Variants in TBCE observed in about 807,000 individuals in gnomAD.
TBCE encodes the protein tubulin folding cofactor E, also known as tubulin-specific chaperone E.
Under a neutral mutation model 77.0 loss-of-function variants are expected in TBCE, and 53 were observed. That is an observed-to-expected ratio of 0.69 (90% CI 0.55 to 0.87). TBCE has a LOEUF of 0.87. TBCE is among the 40% of genes least tolerant of loss of function. The pLI is 0.00. For synonymous variants in TBCE, 235 were observed against 241.3 expected, an observed-to-expected ratio of 0.97 and a Z score of 0.24; for missense variants, 624 against 622.4, an observed-to-expected ratio of 1.00 and a Z score of -0.03.
chr1:235,444,139 A>G (rs1682082409), intron 15 of TBCE, among the ~76,000 whole-genome samples: 1 of 152,222 alleles, frequency 6.6e-6, no homozygotes, highest in Non-Finnish European at 1.5e-5. Context: ...CAAGCTTATC[A>G]TGGTATTGCT....
At chr1:235,411,937 C>T (rs1307212703) in intron 3 of TBCE, among the ~76,000 whole-genome samples, 3 of 151,756 alleles carry the variant, frequency 2.0e-5, no homozygotes, top group Non-Finnish European at 4.4e-5. Flanking sequence ...TGGGCTTTGC[C>T]CTATTGCCCC....
chr1:235,421,490 C>T (rs1273335619), intron 5 of TBCE, among the ~76,000 whole-genome samples: 1 of 152,076 alleles, frequency 6.6e-6, no homozygotes, highest in Non-Finnish European at 1.5e-5. Flanking sequence ...GGCGGATCAT[C>T]TGAGGTCAGG....
At chr1:235,430,564 G>T in intron 6 of TBCE, 141 bp from the exon 7 acceptor site, 1 of 630,162 alleles carries the variant, frequency 1.6e-6, no homozygotes, top group Non-Finnish European at 2.8e-6. Flanking sequence ...TTAAAAAAGT[G>T]ATTTTTAAAA....
intron 1 of TBCE, among the ~76,000 whole-genome samples, chr1:235,373,604 C>T (rs142971478): frequency 0.044 from 6,624 of 150,786 alleles, 244 homozygotes; most frequent in African/African-American, 0.095. Flanking sequence ...CCACCATGCC[C>T]GGCTAATTTT....
intron 3 of TBCE, among the ~76,000 whole-genome samples, chr1:235,408,271 A>G (rs560351090): frequency 6.6e-6 from 1 of 152,342 alleles, no homozygotes; most frequent in African/African-American, 2.4e-5. Context: ...AAAATATTGT[A>G]TGTACCCACA....
rs549358853 is a variant in TBCE, at chr1:235,436,442, C to G, written c.890C>G (p.Ala297Gly). The G allele has an allele frequency of 6.2e-7, 1 of 1,613,966 alleles. No individual in the cohort carries two copies. The highest frequency in any genetic ancestry group is 8.5e-7 in the Non-Finnish European group (1 of 1,179,884). Reference sequence around the variant, plus strand: ...ATTTCTTCTCTACATTTTCCGGATGCTGGAATTGGTATATAAGATTAGTAA... The same window carrying G: ...ATTTCTTCTCTACATTTTCCGGATGGTGGAATTGGTATATAAGATTAGTAA... ...TGISSLHFPD[A>G]GIGCKTSMFP... Residue 297 changes from alanine (A) to glycine (G), a missense_variant, in exon 10 of 17, where the codon GCT (alanine) becomes GGT (glycine). Coordinates refer to ENST00000642610, the MANE Select transcript of TBCE (RefSeq NM_003193.5).
intron 7 of TBCE, chr1:235,433,083 G>T: frequency 6.5e-7 from 1 of 1,550,278 alleles, no homozygotes; most frequent in South Asian, 1.2e-5. Context: ...CATCCATGCG[G>T]ATGAACGTGG....
intron 3 of TBCE, among the ~76,000 whole-genome samples, chr1:235,403,145 T>A (rs1679220757): frequency 6.6e-6 from 1 of 152,158 alleles, no homozygotes; most frequent in African/African-American, 2.4e-5. Flanking sequence ...AGAAATATTT[T>A]AGCCAGGCCC....
intron 2 of TBCE, among the ~76,000 whole-genome samples, chr1:235,392,310 G>A (rs551424076): frequency 4.6e-5 from 7 of 151,962 alleles, no homozygotes; most frequent in East Asian, 3.9e-4. Flanking sequence ...AACCGTGATC[G>A]TGCCACTGCA....
At position 235,451,472 on chromosome 1, in the gene TBCE, C is replaced by CAAAAA. The variant is rs11464279; in HGVS notation, c.*2726_*2730dup. On this transcript the variant is annotated 3_prime_UTR_variant, in exon 17 of 17. Coordinates refer to ENST00000642610, the MANE Select transcript of TBCE (RefSeq NM_003193.5). ...AGTTTCCAAAGACATGAGATGGTCA[C>CAAAAA]AAAAAAAAAAAAAAAAAAAAGACCG... 8 of 83,036 alleles carry CAAAAA rather than the reference C, an allele frequency of 9.6e-5. No individual in the cohort carries two copies. Among genetic ancestry groups the CAAAAA allele is most frequent in the African/African-American group, 2.8e-4 (6 of 21,240 alleles). 5.1% of individuals were successfully genotyped at this position (83,036 alleles called of 1,614,324 possible). A position where few individuals can be genotyped will look rare whatever the true frequency, so the allele number is the denominator to read the frequency against.
chr1:235,442,170 G>A (rs763688039), intron 14 of TBCE, among the ~76,000 whole-genome samples: 5 of 151,914 alleles, frequency 3.3e-5, no homozygotes, highest in East Asian at 3.9e-4. Context: ...AACCATGCCC[G>A]GCTAATTTTT....
intron 2 of TBCE, among the ~76,000 whole-genome samples, chr1:235,388,447 C>G (rs1340092225): frequency 1.3e-5 from 2 of 152,060 alleles, no homozygotes; most frequent in African/African-American, 2.4e-5. Context: ...CACCACCACA[C>G]CCAGCTAATT....
Position 235,437,373 on chromosome 1 carries a change from T to C in TBCE, c.1015T>C (p.Cys339Arg), listed in dbSNP as rs1382641090. ...EKLPSLRALS[C>R]LRNPLTKEDK... ...GTTACCAAGTCTACGGGCTTTGTCC[T>C]GCCTAAGAAACCCCCTGACCAAAGA... Residue 339 changes from cysteine (C) to arginine (R), a missense_variant, in exon 12 of 17, where the codon TGC (cysteine) becomes CGC (arginine). Coordinates refer to ENST00000642610, the MANE Select transcript of TBCE (RefSeq NM_003193.5). 1 of 1,614,162 alleles carries C rather than the reference T, an allele frequency of 6.2e-7. No individual in the cohort carries two copies. The highest frequency in any genetic ancestry group is 8.5e-7 in the Non-Finnish European group (1 of 1,180,030).
intron 9 of TBCE, 105 bp from the exon 10 acceptor site, chr1:235,436,281 T>C: frequency 9.6e-7 from 1 of 1,040,594 alleles, no homozygotes; most frequent in Non-Finnish European, 1.5e-6. Context: ...TACATGGGAT[T>C]AAAAACCCAG....
chr1:235,419,358 A>G (rs1680266333), intron 4 of TBCE, 115 bp from the exon 5 acceptor site: 2 of 1,443,672 alleles, frequency 1.4e-6, no homozygotes, highest in Admixed American at 1.9e-5. Flanking sequence ...GGTTACTGGT[A>G]TTTGTATATT....
At chr1:235,432,390 C>T (rs56126911) in intron 7 of TBCE, among the ~76,000 whole-genome samples, 3,419 of 152,302 alleles carry the variant, frequency 0.022, 136 homozygotes, top group African/African-American at 0.077. Flanking sequence ...GCCCCTTGTG[C>T]CCTTAATATG....
At chr1:235,399,386 G>A (rs929545012) in intron 2 of TBCE, among the ~76,000 whole-genome samples, 1 of 152,042 alleles carries the variant, frequency 6.6e-6, no homozygotes, top group African/African-American at 2.4e-5. Flanking sequence ...TTATAATATT[G>A]GTGTGTCAGG....
At chr1:235,424,472 G>C (rs191873193) in intron 5 of TBCE, among the ~76,000 whole-genome samples, 6 of 151,176 alleles carry the variant, frequency 4.0e-5, no homozygotes, top group African/African-American at 9.7e-5. Flanking sequence ...CCACAGATAC[G>C]TGCCACCACG....
chr1:235,379,632 C>A (rs1342342740), intron 1 of TBCE, among the ~76,000 whole-genome samples: 1 of 151,970 alleles, frequency 6.6e-6, no homozygotes, highest in Non-Finnish European at 1.5e-5. Context: ...TTTAAGTATA[C>A]TGACTTCTCT....
Sources: gnomAD v4.1 joint callset for allele counts (sites outside exome capture counted in the v4.1 genomes callset) on GRCh38, gnomAD v4.1.1 for gene constraint, MANE v1.5 for transcripts, NCBI Gene and HGNC (gene_info 2026-07-23, HGNC 2026-07-21) for gene names.